Variants in SCP2 observed in about 807,000 individuals in gnomAD.
The protein encoded by SCP2 is SCP-2/3-oxoacyl-CoA thiolase.
SCP2 carries 48 observed loss-of-function variants against 71.4 expected under a neutral mutation model. The observed-to-expected ratio is 0.67, with a 90% CI of 0.53 to 0.86. SCP2 has a LOEUF of 0.86. Ranked by LOEUF, SCP2 falls within the 40% of genes least tolerant of loss-of-function variation. SCP2 has a pLI of 0.00. For synonymous variants in SCP2, 220 were observed against 218.1 expected, an observed-to-expected ratio of 1.01 and a Z score of -0.08; for missense variants, 560 against 655.6, an observed-to-expected ratio of 0.85 and a Z score of 1.59.
At chr1:52,980,573 C>T in intron 10 of SCP2, 30 bp downstream of exon 10, 1 of 1,594,804 alleles carries the variant, frequency 6.3e-7, no homozygotes, top group South Asian at 1.1e-5. Flanking sequence ...CAGATTAATT[C>T]AGTAAATTTC....
intron 9 of SCP2, among the ~76,000 whole-genome samples, chr1:52,979,556 A>G (rs1349918423): frequency 6.6e-6 from 1 of 152,154 alleles, no homozygotes; most frequent in African/African-American, 2.4e-5. Context: ...AAGAACATGG[A>G]CTTTGGAAAA....
chr1:52,941,701 C>T, intron 1 of SCP2, 95 bp from the exon 2 acceptor site: 1 of 757,402 alleles, frequency 1.3e-6, no homozygotes, highest in Non-Finnish European at 2.2e-6. Context: ...TGCCACTGCA[C>T]TCCAGCCTGG....
chr1:52,927,393 A>G lies in SCP2; in HGVS notation c.-4A>G. On this transcript the variant is annotated 5_prime_UTR_variant, in exon 1 of 16. Coordinates refer to ENST00000371514, the MANE Select transcript of SCP2 (RefSeq NM_002979.5). ...GCCCGCCCCGGTCCCGCACTGGTGC[A>G]GCCATGTCCTCTTCCCCGTGGGAGC... 6.3e-7 allele frequency: 1 copy of G among 1,587,628 alleles called. No homozygotes were observed.
intron 7 of SCP2, among the ~76,000 whole-genome samples, chr1:52,976,263 T>C (rs1330066248): frequency 6.6e-6 from 1 of 152,072 alleles, no homozygotes; most frequent in Non-Finnish European, 1.5e-5. Context: ...GCCACATAAC[T>C]GAACTCAATC....
intron 12 of SCP2, among the ~76,000 whole-genome samples, chr1:53,027,253 A>G (rs1426777988): frequency 2.0e-5 from 3 of 151,960 alleles, no homozygotes; most frequent in Non-Finnish European, 4.4e-5. Context: ...CGGGGTTTCA[A>G]CATGTTGCCC....
At chr1:52,981,044 G>A (rs1412146360) in intron 10 of SCP2, among the ~76,000 whole-genome samples, 1 of 152,068 alleles carries the variant, frequency 6.6e-6, no homozygotes. Flanking sequence ...TGATTCTCCT[G>A]CCTCAGCCTC....
intron 1 of SCP2, among the ~76,000 whole-genome samples, chr1:52,931,972 G>C (rs1229871650): frequency 6.6e-6 from 1 of 151,974 alleles, no homozygotes; most frequent in Non-Finnish European, 1.5e-5. Context: ...AGAGCTCTTA[G>C]GAAATTAAAC....
intron 13 of SCP2, among the ~76,000 whole-genome samples, chr1:53,032,017 A>G (rs1662580573): frequency 6.6e-6 from 1 of 152,204 alleles, no homozygotes; most frequent in African/African-American, 2.4e-5. Context: ...CACTGGCTCT[A>G]GAGAAAGCTT....
intron 14 of SCP2, among the ~76,000 whole-genome samples, chr1:53,047,271 A>G (rs1234479148): frequency 6.6e-6 from 1 of 152,234 alleles, no homozygotes; most frequent in Non-Finnish European, 1.5e-5. Flanking sequence ...AGCAAGGTAG[A>G]ATCATTTAAT....
At chr1:52,980,260 C>A in intron 9 of SCP2, 136 bp from the exon 10 acceptor site, 1 of 763,362 alleles carries the variant, frequency 1.3e-6, no homozygotes, top group Non-Finnish European at 2.1e-6. Flanking sequence ...AGGCATGAGC[C>A]AATGCACCTG....
intron 5 of SCP2, 30 bp from the exon 6 acceptor site, chr1:52,961,473 T>C: frequency 1.2e-6 from 2 of 1,612,330 alleles, no homozygotes; most frequent in Non-Finnish European, 1.7e-6. Flanking sequence ...TCATGTCAGC[T>C]GCTTATGAAA....
chr1:52,994,709 T>C, intron 11 of SCP2: 1 of 705,066 alleles, frequency 1.4e-6, no homozygotes, highest in South Asian at 1.5e-5. Flanking sequence ...GCAAAAAAAT[T>C]AAAATAAATT....
chr1:52,995,212 C>CT (rs1659841628), intron 11 of SCP2: 1 of 501,786 alleles, frequency 2.0e-6, no homozygotes, highest in East Asian at 5.1e-5. Flanking sequence ...CATGAACACC[C>CT]TCAGTGTGGT....
chr1:52,995,855 T>C, intron 11 of SCP2: 1 of 1,259,610 alleles, frequency 7.9e-7, no homozygotes, highest in Non-Finnish European at 1.1e-6. Flanking sequence ...CACTGCCATG[T>C]TCCCCTGGAA....
intron 11 of SCP2, among the ~76,000 whole-genome samples, chr1:52,992,379 T>A (rs377504461): frequency 6.6e-6 from 1 of 152,230 alleles, no homozygotes; most frequent in African/African-American, 2.4e-5. Flanking sequence ...GAAAGATCAA[T>A]TCCATATTTT....
intron 15 of SCP2, chr1:53,050,407 G>C (rs1409788244): frequency 1.9e-6 from 1 of 517,972 alleles, no homozygotes; most frequent in African/African-American, 1.9e-5. Flanking sequence ...CCTTTCTGCT[G>C]ATCTGCAAAA....
chr1:52,927,404 C>T lies in SCP2; in HGVS notation c.8C>T (p.Ser3Phe), dbSNP rs2150086298. Residue 3 changes from serine to phenylalanine, a missense_variant, in exon 1 of 16, where the codon TCT becomes TTT. Around this residue, in one of 3 missense-constraint regions of SCP2, gnomAD observed 513 missense variants for 573.1 expected, o/e 0.90. Transcript: ENST00000371514. Reference sequence around the variant, plus strand: ...TCCCGCACTGGTGCAGCCATGTCCTCTTCCCCGTGGGAGCCTGCGACCCTG... The same window carrying T: ...TCCCGCACTGGTGCAGCCATGTCCTTTTCCCCGTGGGAGCCTGCGACCCTG... MS[S>F]SPWEPATLRR... 6.3e-7 allele frequency: 1 copy of T among 1,595,262 alleles called. No homozygotes were observed. Among genetic ancestry groups the T allele is most frequent in the Non-Finnish European group, 8.5e-7 (1 of 1,172,062 alleles).
chr1:52,933,745 C>T (rs1028451533), intron 1 of SCP2, among the ~76,000 whole-genome samples: 29 of 152,166 alleles, frequency 1.9e-4, no homozygotes, highest in African/African-American at 6.0e-4. Context: ...TCTCAAAATA[C>T]GGTTTGTGGA....
intron 6 of SCP2, among the ~76,000 whole-genome samples, chr1:52,972,288 T>C (rs547722791): frequency 3.5e-4 from 53 of 152,356 alleles, no homozygotes; most frequent in African/African-American, 1.3e-3. Flanking sequence ...CTTTGAATAG[T>C]CAAAAATCTT....
Sources: allele counts gnomAD v4.1 joint callset (sites outside exome capture counted in the v4.1 genomes callset), GRCh38; gene constraint gnomAD v4.1.1; regional missense constraint gnomAD v4.1.1; transcripts MANE v1.5; gene names NCBI Gene and HGNC (gene_info 2026-07-23, HGNC 2026-07-21).